Variants in PARP12 observed in about 807,000 individuals in gnomAD.
PARP12 encodes the protein protein mono-ADP-ribosyltransferase PARP12.
In PARP12, 59 loss-of-function variants were observed where a neutral mutation model predicts 72.4. The ratio of observed to expected loss-of-function variants is 0.81; its 90% confidence interval spans 0.66 to 1.01. The LOEUF is 1.01. Ranked by LOEUF, PARP12 falls within the 50% of genes least tolerant of loss-of-function variation. PARP12 has a pLI of 0.00. For synonymous variants in PARP12, 403 were observed against 371.4 expected (o/e 1.09, Z -0.98); for missense variants, 851 against 914.0 (o/e 0.93, Z 0.89).
Position 140,046,989 on chromosome 7 carries a change from T to C in PARP12, c.881A>G (p.His294Arg). 2 of 1,613,672 alleles carry C rather than the reference T, an allele frequency of 1.2e-6. No individual in the cohort carries two copies. The highest frequency in any genetic ancestry group is 1.7e-6 in the Non-Finnish European group (2 of 1,179,846). Residue 294 changes from histidine to arginine, a missense_variant, in exon 5 of 12, where the codon CAT becomes CGT. Transcript: ENST00000263549. Reference protein sequence around the residue: ...CSFQDKCHRVHFHLPYRWQFL... With the variant: ...CSFQDKCHRVRFHLPYRWQFL... ...TTGCCATCGATACGGCAAATGGAAA[T>C]GAACTCTATGGCACTTATCTGAAAT...
intron 8 of PARP12, chr7:140,028,944 G>A: frequency 3.1e-6 from 1 of 318,536 alleles, no homozygotes; most frequent in Non-Finnish European, 6.0e-6. Context: ...CACACAAAAG[G>A]GATAAAAGGG....
In PARP12 at chr7:140,057,166, A is replaced by G. The variant is rs1817221331; in HGVS notation, c.463-13T>C. ...AATGTTGGCAAATCTGTTGACAGAG[A>G]GGGAAAAAACCACCAGTTCAGGAAG... On this transcript the variant is annotated splice_polypyrimidine_tract_variant and intron_variant, in intron 2 of 11. Transcript: ENST00000263549. 6 of 1,605,806 alleles carry G rather than the reference A, an allele frequency of 3.7e-6. No homozygotes were observed. In the East Asian group the frequency reaches 1.3e-4, roughly 36 times the overall value.
At position 140,047,248 on chromosome 7, in the gene PARP12, A is replaced by C. The variant is rs1467242060; in HGVS notation, c.863-241T>G. Among the ~76,000 whole-genome samples the C allele has an allele frequency of 2.0e-5, 3 of 152,242 alleles. No homozygotes were observed. The East Asian group carries it at 5.8e-4, about 29-fold the overall frequency. The stretch of plus-strand genomic sequence containing the variant: ...CCTTCTAAAACTCTTGTTACAACTT[A>C]ATCGCCAATGTGATAGTATTGAGCG... On this transcript the variant is annotated intron_variant, in intron 4 of 11. Transcript: ENST00000263549.
intron 3 of PARP12, among the ~76,000 whole-genome samples, chr7:140,055,756 T>G (rs1418681022): frequency 6.6e-6 from 1 of 152,234 alleles, no homozygotes; most frequent in Non-Finnish European, 1.5e-5. Flanking sequence ...ACCTGTCTAC[T>G]TCTAGGATTC....
intron 8 of PARP12, among the ~76,000 whole-genome samples, chr7:140,031,813 T>C (rs1035364472): frequency 1.3e-5 from 2 of 152,058 alleles, no homozygotes; most frequent in African/African-American, 4.8e-5. Context: ...AGGAAAAGAA[T>C]AAAAAATGAC....
At chr7:140,043,638 C>T (rs1816590925) in intron 5 of PARP12, among the ~76,000 whole-genome samples, 1 of 152,114 alleles carries the variant, frequency 6.6e-6, no homozygotes, top group Non-Finnish European at 1.5e-5. Context: ...AGCGATTCTC[C>T]TGTCTCACCC....
chr7:140,037,767 T>A lies in PARP12; in HGVS notation c.1272A>T (p.Ala424=). The A allele has an allele frequency of 6.2e-7, 1 of 1,614,222 alleles. No individual in the cohort carries two copies. Among genetic ancestry groups the A allele is most frequent in the Non-Finnish European group, 8.5e-7 (1 of 1,180,012 alleles). The change falls in exon 7 of 12, where the codon GCA becomes GCT. Residue 424 remains alanine, a synonymous_variant. Coordinates refer to ENST00000263549, the MANE Select transcript of PARP12 (RefSeq NM_022750.4). ...TTCCGGCCTGGAACTTCAAGGTGGCTGCCTGGCCGTCAGACCCCGGTGTAC... is the reference window on the plus strand; with the variant it reads ...TTCCGGCCTGGAACTTCAAGGTGGCAGCCTGGCCGTCAGACCCCGGTGTAC... ...AYCTPGSDGQ[A]ATLKFQAGKH...
chr7:140,049,497 G>A (rs1164317507), intron 4 of PARP12, among the ~76,000 whole-genome samples: 1 of 152,174 alleles, frequency 6.6e-6, no homozygotes, highest in East Asian at 1.9e-4. Context: ...GAGAGCAGAA[G>A]GCCACCCCAG....
intron 8 of PARP12, among the ~76,000 whole-genome samples, chr7:140,031,909 G>A (rs1544460): frequency 0.6 from 90,664 of 151,914 alleles, 30,107 homozygotes; most frequent in African/African-American, 0.9. Context: ...AATAATAAGA[G>A]ATATATATTT....
At position 140,056,981 on chromosome 7, in the gene PARP12, T is replaced by A; in HGVS notation, c.635A>T (p.Lys212Met). Residue 212 changes from lysine (K) to methionine (M), a missense_variant, in exon 3 of 12, where the codon AAG (lysine) becomes ATG (methionine). Transcript: ENST00000263549. ...SNSENLEKLE[K>M]LGMSSDLVSR... ...CACCAGGTCTGAGCTCATACCCAAC[T>A]TCTCCAATTTTTCCAGATTCTCAGA... The A allele has an allele frequency of 6.2e-7, 1 of 1,614,230 alleles. No homozygotes were observed. The highest frequency in any genetic ancestry group is 8.5e-7 in the Non-Finnish European group (1 of 1,180,054).
intron 4 of PARP12, among the ~76,000 whole-genome samples, chr7:140,054,140 G>C (rs6946039): frequency 1 from 152,060 of 152,358 alleles, 75,881 homozygotes; most frequent in Middle Eastern, 1. Context: ...AATACAGACA[G>C]GCACATGCAC....
At chr7:140,049,489 GAGC>G (rs1411171489) in intron 4 of PARP12, among the ~76,000 whole-genome samples, 2 of 152,214 alleles carry the variant, frequency 1.3e-5, no homozygotes, top group African/African-American at 4.8e-5. Context: ...TCAGGGATGA[GAGC>G]AGAAGGCCAC....
Position 140,057,414 on chromosome 7 carries a change from C to A in PARP12, c.463-261G>T, listed in dbSNP as rs1817231498. On this transcript the variant is annotated intron_variant, in intron 2 of 11. Coordinates refer to ENST00000263549, the MANE Select transcript of PARP12 (RefSeq NM_022750.4). ...TCCAAGAACTTCAAAGTGACTAGAGCTGCTCCTTTCACATGAGACAATGCA... is the reference window on the plus strand; with the variant it reads ...TCCAAGAACTTCAAAGTGACTAGAGATGCTCCTTTCACATGAGACAATGCA... 7.6e-6 allele frequency: 4 copies of A among 525,808 alleles called. No individual in the cohort carries two copies. In the Admixed American group the frequency reaches 1.4e-4, roughly 19 times the overall value. The allele number at this position is 525,808 out of a possible 1,614,324, so 32.6% of individuals were successfully genotyped here.
chr7:140,055,593 G>T (rs539324331), intron 3 of PARP12, among the ~76,000 whole-genome samples: 15 of 152,126 alleles, frequency 9.9e-5, no homozygotes, highest in African/African-American at 3.4e-4. Context: ...TAGGTCTATG[G>T]GACCCCGAAG....
At position 140,057,825 on chromosome 7, in the gene PARP12, CCA is replaced by C. The variant is rs1817249538; in HGVS notation, c.462+72_462+73del. The C allele has an allele frequency of 1.9e-6, 3 of 1,579,582 alleles. No individual in the cohort carries two copies. The Admixed American group carries it at 5.2e-5, about 27-fold the overall frequency. ...CACCAAGGGCCCACCCATTCCACTC[CCA>C]GTCATTACATTTCCCAAGACACAGG... On this transcript the variant is annotated intron_variant, in intron 2 of 11. Transcript: ENST00000263549.
At chr7:140,050,855 A>G (rs776804787) in intron 4 of PARP12, among the ~76,000 whole-genome samples, 1 of 152,234 alleles carries the variant, frequency 6.6e-6, no homozygotes, top group East Asian at 1.9e-4. Flanking sequence ...ATACCTGTAC[A>G]CTATAAAGGA....
chr7:140,038,103 G>A, intron 6 of PARP12: 1 of 985,416 alleles, frequency 1.0e-6, no homozygotes, highest in South Asian at 4.7e-5. Context: ...GGAAGACAGG[G>A]ATGGGAGCAA....
At chr7:140,025,725 G>A in intron 11 of PARP12, 2 of 316,778 alleles carry the variant, frequency 6.3e-6, no homozygotes, top group South Asian at 2.7e-5. Context: ...GATTTCCAAA[G>A]AAATAGTATT....
intron 5 of PARP12, among the ~76,000 whole-genome samples, chr7:140,043,990 T>C (rs1585099650): frequency 6.6e-6 from 1 of 152,224 alleles, no homozygotes; most frequent in African/African-American, 2.4e-5. Context: ...TTAGAAGACA[T>C]AAAAGATAAA....
Sources: allele counts gnomAD v4.1 joint callset (sites outside exome capture counted in the v4.1 genomes callset), GRCh38; gene constraint gnomAD v4.1.1; transcripts MANE v1.5; gene names NCBI Gene and HGNC (gene_info 2026-07-23, HGNC 2026-07-21).